FAM135B: variants seen among roughly 807,000 people sequenced by gnomAD.
FAM135B encodes the protein protein FAM135B.
FAM135B carries 43 observed loss-of-function variants against 127.7 expected under a neutral mutation model. The observed-to-expected ratio is 0.34, with a 90% CI of 0.26 to 0.43. FAM135B has a LOEUF of 0.43. Ranked by LOEUF, FAM135B falls within the 20% of genes least tolerant of loss-of-function variation. The pLI is 1.00. For missense variants in FAM135B, 1,558 were observed against 1,725.6 expected, an observed-to-expected ratio of 0.90 and a Z score of 1.72; for synonymous variants, 670 against 665.1, an observed-to-expected ratio of 1.01 and a Z score of -0.11.
intron 1 of FAM135B, among the ~76,000 whole-genome samples, chr8:138,478,344 C>T (rs1028049860): frequency 4.6e-5 from 7 of 152,134 alleles, no homozygotes. Flanking sequence ...CCTTTTTCCC[C>T]ATGAGCTTCA....
At chr8:138,240,192 C>A (rs1273906689) in intron 7 of FAM135B, among the ~76,000 whole-genome samples, 1 of 152,148 alleles carries the variant, frequency 6.6e-6, no homozygotes, top group Non-Finnish European at 1.5e-5. Flanking sequence ...TGAATGAGTT[C>A]CCCCAAGCCA....
At chr8:138,449,179 G>A (rs1251158446) in intron 1 of FAM135B, among the ~76,000 whole-genome samples, 1 of 152,190 alleles carries the variant, frequency 6.6e-6, no homozygotes, top group Non-Finnish European at 1.5e-5. Context: ...AAATGGGTGA[G>A]AAAGGCATTC....
rs537872191 is a variant in FAM135B at position 138,203,580 on chromosome 8, C to T, written c.670-5911G>A. Among the ~76,000 whole-genome samples the T allele has an allele frequency of 2.0e-5, 3 of 152,232 alleles. No individual in the cohort carries two copies. The South Asian group carries it at 6.2e-4, about 32-fold the overall frequency. On this transcript the variant is annotated intron_variant, in intron 7 of 19. Transcript: ENST00000395297. ...TGTGCAAGTGGGTCATATCATCATC[C>T]ACTGTTTGTAAGAGAAAGTTCGAAT... is the stretch of plus-strand genomic sequence containing the variant.
Position 138,141,193 on chromosome 8 carries a change from C to T in FAM135B, c.3790+5G>A, listed in dbSNP as rs1179074618. 6.2e-7 allele frequency: 1 copy of T among 1,613,760 alleles called. No individual in the cohort carries two copies. The highest frequency in any genetic ancestry group is 1.3e-5 in the African/African-American group (1 of 74,900). On this transcript the variant is annotated splice_donor_5th_base_variant and intron_variant, in intron 17 of 19. Coordinates refer to ENST00000395297, the MANE Select transcript of FAM135B (RefSeq NM_015912.4). This position sits in a 1 kb window ranked among gnomAD's most constrained non-coding sequence, Gnocchi z 4.7. ...GAGGAATGACGAGTCCTAGAAGAAT[C>T]TTACCTGTACTAACCAGGGTGCTGT...
Position 138,139,053 on chromosome 8 carries a change from C to T in FAM135B, c.3834G>A (p.Leu1278=), listed in dbSNP as rs116855100. 1.9e-6 allele frequency: 3 copies of T among 1,613,854 alleles called. No individual in the cohort carries two copies. The highest frequency in any genetic ancestry group is 3.3e-4 in the Middle Eastern group (2 of 6,060). The change falls in exon 18 of 20, where the codon CTG becomes CTA. Residue 1278 remains leucine (L), a synonymous_variant. Transcript: ENST00000395297. ...CAGCATTATCCCTGAAGGTCAGCTG[C>T]AGTAGAGACCCGGATTTCTTCAGTT... is the stretch of plus-strand genomic sequence containing the variant. The part of the protein sequence containing the change: ...MQKLKKSGSL[L]QLTFRDNADL...
intron 2 of FAM135B, among the ~76,000 whole-genome samples, chr8:138,341,050 G>A (rs1829013651): frequency 6.6e-6 from 1 of 152,182 alleles, no homozygotes; most frequent in Non-Finnish European, 1.5e-5. Context: ...CTCAAGAATT[G>A]TTTAGGACTG....
intron 1 of FAM135B, among the ~76,000 whole-genome samples, chr8:138,422,287 A>G (rs1834558503): frequency 6.6e-6 from 1 of 152,208 alleles, no homozygotes. Context: ...TCACTAAACT[A>G]AAAAGCTACT....
chr8:138,404,417 T>C (rs1041100174), intron 1 of FAM135B, among the ~76,000 whole-genome samples: 11 of 152,210 alleles, frequency 7.2e-5, no homozygotes, highest in South Asian at 4.1e-4. Context: ...GGGGTAATAG[T>C]TGCTGAAGGT....
intron 12 of FAM135B, among the ~76,000 whole-genome samples, chr8:138,155,959 A>G (rs913744114): frequency 6.6e-6 from 1 of 152,204 alleles, no homozygotes; most frequent in Non-Finnish European, 1.5e-5. Flanking sequence ...ATAGACATCT[A>G]CAGAACTCTC....
chr8:138,448,364 A>C (rs1165516425), intron 1 of FAM135B, among the ~76,000 whole-genome samples: 2 of 152,146 alleles, frequency 1.3e-5, no homozygotes, highest in Non-Finnish European at 2.9e-5. Context: ...ATAGAACAGA[A>C]AGACTGCCCC....
At chr8:138,329,255 T>G (rs894322764) in intron 2 of FAM135B, among the ~76,000 whole-genome samples, 16 of 152,172 alleles carry the variant, frequency 1.1e-4, no homozygotes, top group Non-Finnish European at 2.1e-4. Context: ...TCACCAACTG[T>G]TTTGTCACAG....
chr8:138,269,295 G>T (rs1372400328), intron 3 of FAM135B, among the ~76,000 whole-genome samples: 2 of 152,166 alleles, frequency 1.3e-5, no homozygotes, highest in Non-Finnish European at 2.9e-5. Context: ...CAAAATACAG[G>T]TATTATTCTT....
At chr8:138,447,746 A>G (rs1215019334) in intron 1 of FAM135B, among the ~76,000 whole-genome samples, 20 of 151,988 alleles carry the variant, frequency 1.3e-4, no homozygotes, top group Admixed American at 1.0e-3. Flanking sequence ...AACATGGCAC[A>G]TGTATACATA....
chr8:138,212,079 C>T (rs1056393703), intron 7 of FAM135B, among the ~76,000 whole-genome samples: 23 of 152,086 alleles, frequency 1.5e-4, no homozygotes, highest in African/African-American at 5.6e-4. Flanking sequence ...TAAATAAATA[C>T]AATAAAATAG....
chr8:138,300,113 A>G (rs1235375506), intron 3 of FAM135B, among the ~76,000 whole-genome samples: 1 of 152,072 alleles, frequency 6.6e-6, no homozygotes, highest in Admixed American at 6.6e-5. Flanking sequence ...GATTACAGGC[A>G]CTATTTTTTA....
chr8:138,283,958 G>C (rs1045493905), intron 3 of FAM135B, among the ~76,000 whole-genome samples: 2 of 151,990 alleles, frequency 1.3e-5, no homozygotes. Context: ...TGGCAGGCCA[G>C]GGAGCTGGAG....
At chr8:138,406,629 C>T (rs1209030450) in intron 1 of FAM135B, among the ~76,000 whole-genome samples, 2 of 151,998 alleles carry the variant, frequency 1.3e-5, no homozygotes, top group Non-Finnish European at 2.9e-5. Flanking sequence ...AAATGTAATC[C>T]AGCATATAAA....
chr8:138,386,170 C>T (rs1832200757), intron 1 of FAM135B, among the ~76,000 whole-genome samples: 2 of 151,362 alleles, frequency 1.3e-5, no homozygotes, highest in Admixed American at 1.3e-4. Flanking sequence ...TAGCTGAGAT[C>T]ACACCATTGC....
chr8:138,486,329 A>G (rs1431294440), intron 1 of FAM135B, among the ~76,000 whole-genome samples: 1 of 152,080 alleles, frequency 6.6e-6, no homozygotes, highest in African/African-American at 2.4e-5. Flanking sequence ...GCTGAATGAT[A>G]TGAGTCCCAA....
Sources: allele counts gnomAD v4.1 joint callset (sites outside exome capture counted in the v4.1 genomes callset), GRCh38; gene constraint gnomAD v4.1.1; non-coding constraint Gnocchi (gnomAD v3.1); transcripts MANE v1.5; gene names NCBI Gene and HGNC (gene_info 2026-07-23, HGNC 2026-07-21).